ITIH5: variants seen among roughly 807,000 people sequenced by gnomAD.
ITIH5 encodes the protein inter-alpha-trypsin inhibitor heavy chain 5.
Under a neutral mutation model 77.5 loss-of-function variants are expected in ITIH5, and 65 were observed. The ratio of observed to expected loss-of-function variants is 0.84; its 90% confidence interval spans 0.69 to 1.03. The LOEUF is 1.03. ITIH5 is among the 50% of genes least tolerant of loss of function. ITIH5 has a pLI of 0.00. For synonymous variants in ITIH5, 525 were observed against 494.3 expected, an observed-to-expected ratio of 1.06 and a Z score of -0.82; for missense variants, 1,208 against 1,213.1, an observed-to-expected ratio of 1.00 and a Z score of 0.06.
intron 7 of ITIH5, among the ~76,000 whole-genome samples, chr10:7,597,503 C>T (rs1564252169): frequency 6.6e-6 from 1 of 152,052 alleles, no homozygotes; most frequent in Non-Finnish European, 1.5e-5. Context: ...GATCTGTTGT[C>T]CCCTCTGTAC....
intron 2 of ITIH5, among the ~76,000 whole-genome samples, chr10:7,644,358 CAT>C (rs1368541744): frequency 7.5e-5 from 11 of 145,702 alleles, no homozygotes; most frequent in African/African-American, 2.3e-4. Flanking sequence ...ACATATATAT[CAT>C]ATATATCACA....
At chr10:7,657,805 A>G (rs112092906) in intron 1 of ITIH5, among the ~76,000 whole-genome samples, 3,728 of 152,314 alleles carry the variant, frequency 0.024, 64 homozygotes, top group African/African-American at 0.044. Context: ...TGAGCCAAGC[A>G]TTAAGTTAAT....
chr10:7,593,104 T>C (rs1049642873), intron 7 of ITIH5, among the ~76,000 whole-genome samples: 12 of 151,956 alleles, frequency 7.9e-5, no homozygotes, highest in African/African-American at 1.7e-4. Flanking sequence ...CATTTTTTTT[T>C]CCCCACAGGA....
At chr10:7,596,308 C>T (rs1832895671) in intron 7 of ITIH5, among the ~76,000 whole-genome samples, 1 of 152,176 alleles carries the variant, frequency 6.6e-6, no homozygotes, top group Non-Finnish European at 1.5e-5. Context: ...AACTACCATG[C>T]CATGAATGAC....
chr10:7,634,304 C>G (rs769760766), intron 5 of ITIH5, among the ~76,000 whole-genome samples: 12 of 152,042 alleles, frequency 7.9e-5, no homozygotes, highest in Non-Finnish European at 1.8e-4. Context: ...AAAACACAGC[C>G]CTGTCCAGAC....
At chr10:7,638,097 G>A (rs7909096) in intron 4 of ITIH5, among the ~76,000 whole-genome samples, 1 of 152,184 alleles carries the variant, frequency 6.6e-6, no homozygotes, top group South Asian at 2.1e-4. Context: ...GTTTCCAGAA[G>A]GCTTGGGGTG....
chr10:7,639,287 A>G (rs1833846590), intron 4 of ITIH5, among the ~76,000 whole-genome samples: 1 of 152,242 alleles, frequency 6.6e-6, no homozygotes, highest in South Asian at 2.1e-4. Context: ...ACAGGCTCAA[A>G]GCAAAGGCTG....
chr10:7,602,405 C>G (rs1272653932), intron 7 of ITIH5, among the ~76,000 whole-genome samples: 1 of 152,200 alleles, frequency 6.6e-6, no homozygotes, highest in Non-Finnish European at 1.5e-5. Context: ...CCCATAATCC[C>G]TACGTGTCAA....
In ITIH5 at chr10:7,628,811, ATGTGTCCATGTTGTAGCG is replaced by A. The variant is rs1357479188; in HGVS notation, c.652+8399_652+8416del. ...TTATCATATGTATCTGTGTTTTTGCATGTGTCCATGTTGTAGCGTGTGTCCCTGTTGTAGCGTGTGTCC... is the reference window on the plus strand; with the variant it reads ...TTATCATATGTATCTGTGTTTTTGCATGTGTCCCTGTTGTAGCGTGTGTCC... On this transcript the variant is annotated intron_variant, in intron 5 of 13. Coordinates refer to ENST00000397146, the MANE Select transcript of ITIH5 (RefSeq NM_030569.7). 2.3e-4 allele frequency among the ~76,000 whole-genome samples: 22 copies of A among 94,884 alleles called. 1 individual carries two copies. The highest frequency in any genetic ancestry group is 9.4e-4 in the East Asian group (3 of 3,198). 62.2% of individuals were successfully genotyped at this position (94,884 alleles called of 152,430 possible). A position where few individuals can be genotyped will look rare whatever the true frequency, so the allele number is the denominator to read the frequency against.
intron 5 of ITIH5, among the ~76,000 whole-genome samples, chr10:7,630,780 A>G (rs1300041247): frequency 1.3e-5 from 2 of 151,960 alleles, no homozygotes; most frequent in East Asian, 3.9e-4. Context: ...TCTTTTTAGA[A>G]TGTATTTTTT....
At chr10:7,604,546 T>C (rs1289276715) in intron 7 of ITIH5, among the ~76,000 whole-genome samples, 1 of 152,226 alleles carries the variant, frequency 6.6e-6, no homozygotes, top group Non-Finnish European at 1.5e-5. Context: ...TTTCGATTCA[T>C]CTCCTTTTCT....
chr10:7,610,129 A>C (rs1279056542), intron 7 of ITIH5, among the ~76,000 whole-genome samples: 1 of 145,758 alleles, frequency 6.9e-6, no homozygotes, highest in Admixed American at 7.0e-5. Flanking sequence ...GTTTTAGCTC[A>C]AACTGGGAGG....
intron 7 of ITIH5, among the ~76,000 whole-genome samples, chr10:7,600,289 C>T (rs756124214): frequency 4.7e-4 from 72 of 152,194 alleles, no homozygotes; most frequent in Non-Finnish European, 7.8e-4. Flanking sequence ...GAGAATAATT[C>T]CAATGCTATG....
intron 7 of ITIH5, among the ~76,000 whole-genome samples, chr10:7,593,986 C>T (rs1832847001): frequency 6.6e-6 from 1 of 152,204 alleles, no homozygotes; most frequent in African/African-American, 2.4e-5. Flanking sequence ...AGCGTCCACA[C>T]AGAAGGGTTC....
At chr10:7,586,217 G>T in intron 7 of ITIH5, 148 bp from the exon 8 acceptor site, 1 of 675,342 alleles carries the variant, frequency 1.5e-6, no homozygotes, top group Non-Finnish European at 2.4e-6. Context: ...TGAATGTCAA[G>T]GAATTGGTTA....
In ITIH5 at chr10:7,644,711, ATATATCATATATATCACATATC is replaced by A. The variant is rs1202716583; in HGVS notation, c.136-2643_136-2622del. Among the ~76,000 whole-genome samples the A allele has an allele frequency of 2.6e-4, 36 of 140,172 alleles. 1 individual carries two copies. The highest frequency in any genetic ancestry group is 8.6e-4 in the African/African-American group (32 of 37,362). 92.0% of individuals were successfully genotyped at this position (140,172 alleles called of 152,430 possible). On this transcript the variant is annotated intron_variant, in intron 2 of 13. Transcript: ENST00000397146. ...TATATATCACATATCTATATCACAT[ATATATCATATATATCACATATC>A]TATATCACATATATATCACATATAT... is the stretch of plus-strand genomic sequence containing the variant.
At chr10:7,632,956 C>G (rs1002693582) in intron 5 of ITIH5, among the ~76,000 whole-genome samples, 3 of 152,110 alleles carry the variant, frequency 2.0e-5, no homozygotes, top group Admixed American at 1.3e-4. Context: ...ATAAGTGAGA[C>G]AGTTGGAAGT....
chr10:7,568,705 G>A (rs570469933), intron 12 of ITIH5, among the ~76,000 whole-genome samples: 12 of 152,292 alleles, frequency 7.9e-5, no homozygotes, highest in Non-Finnish European at 1.3e-4. Flanking sequence ...CCACTCCAAA[G>A]CTTGTCCTCA....
rs1832053200 is a variant in ITIH5, at chr10:7,562,243, G to C, written c.*840C>G. ...AAAGGCTGGAGAGCTCCAAGTAAAAGATGCATCATTCACTTGGCCAACTCT... is the reference window on the plus strand; with the variant it reads ...AAAGGCTGGAGAGCTCCAAGTAAAACATGCATCATTCACTTGGCCAACTCT... On this transcript the variant is annotated 3_prime_UTR_variant, in exon 14 of 14. Transcript: ENST00000397146. The C allele has an allele frequency of 6.6e-6, 1 of 152,222 alleles. No homozygotes were observed. Among genetic ancestry groups the C allele is most frequent in the Non-Finnish European group, 1.5e-5 (1 of 68,084 alleles). The allele number at this position is 152,222 out of a possible 1,614,324, so 9.4% of individuals were successfully genotyped here.
Sources: gnomAD v4.1 joint callset for allele counts (sites outside exome capture counted in the v4.1 genomes callset) on GRCh38, gnomAD v4.1.1 for gene constraint, MANE v1.5 for transcripts, NCBI Gene and HGNC (gene_info 2026-07-23, HGNC 2026-07-21) for gene names.